OSGEP: variants seen among roughly 807,000 people sequenced by gnomAD.
The protein encoded by OSGEP is O-sialoglycoprotein endopeptidase, also known as tRNA N6-adenosine threonylcarbamoyltransferase.
In OSGEP, 39 loss-of-function variants were observed where a neutral mutation model predicts 44.1. The ratio of observed to expected loss-of-function variants is 0.88; its 90% CI spans 0.69 to 1.16. OSGEP has a LOEUF of 1.16. Among genes scored for constraint, OSGEP ranks in the 50% most tolerant of loss-of-function variants. The pLI is 0.00. For missense variants in OSGEP, 403 were observed against 443.1 expected, an observed-to-expected ratio of 0.91 and a Z score of 0.81; for synonymous variants, 139 against 161.9, an observed-to-expected ratio of 0.86 and a Z score of 1.07.
chr14:20,448,210 T>TG, intron 6 of OSGEP, 39 bp from the exon 7 acceptor site: 1 of 1,569,222 alleles, frequency 6.4e-7, no homozygotes, highest in East Asian at 2.2e-5. Context: ...CAACAAATCA[T>TG]GGTTTTGGGA....
At chr14:20,452,504 AG>A (rs1881129329) in intron 1 of OSGEP, 56 bp from the exon 2 acceptor site, 1 of 1,581,884 alleles carries the variant, frequency 6.3e-7, no homozygotes, top group African/African-American at 1.3e-5. Flanking sequence ...AAAGGTAGGT[AG>A]GAAGTTAAAG....
chr14:20,452,468 C>A lies in OSGEP; in HGVS notation c.116-20G>T. 6.2e-7 allele frequency: 1 copy of A among 1,612,182 alleles called. No homozygotes were observed. Among genetic ancestry groups the A allele is most frequent in the South Asian group, 1.1e-5 (1 of 90,948 alleles). On this transcript the variant is annotated intron_variant, in intron 1 of 10. Coordinates refer to ENST00000206542, the MANE Select transcript of OSGEP (RefSeq NM_017807.4). ...GGAATCCTAGAAAATGAACATAGGT[C>A]AGAGATCACAGGGATTTTCTGTAGC...
Position 20,448,775 on chromosome 14 carries a change from C to G in OSGEP, c.594G>C (p.Lys198Asn). The change falls in exon 6 of 11, where the codon AAG (lysine) becomes AAC (asparagine). Residue 198 changes from lysine to asparagine, a missense_variant. Transcript: ENST00000206542. ...KKLVELPYTV[K>N]GMDVSFSGIL... The stretch of plus-strand genomic sequence containing the variant: ...TCCCTGAGAATGAGACGTCCATCCC[C>G]TTTACAGTGTATGGCAGCTCAACTA... The G allele has an allele frequency of 6.2e-7, 1 of 1,613,534 alleles. No individual in the cohort carries two copies. The highest frequency in any genetic ancestry group is 8.5e-7 in the Non-Finnish European group (1 of 1,179,432).
intron 8 of OSGEP, 101 bp downstream of exon 8, chr14:20,447,803 G>T: frequency 8.2e-7 from 1 of 1,223,056 alleles, no homozygotes; most frequent in Non-Finnish European, 1.2e-6. Flanking sequence ...TAGGGGCAAG[G>T]ATTGGGAAGC....
In OSGEP at chr14:20,454,768, G is replaced by T; in HGVS notation, c.-85C>A. The T allele has an allele frequency of 1.0e-6, 1 of 961,380 alleles. No individual in the cohort carries two copies. 59.6% of individuals were successfully genotyped at this position (961,380 alleles called of 1,614,324 possible). On this transcript the variant is annotated 5_prime_UTR_variant, in exon 1 of 11. It adds an upstream start codon to the 5' untranslated region. Coordinates refer to ENST00000206542, the MANE Select transcript of OSGEP (RefSeq NM_017807.4). ...CCTCACTAGTCCGCGCTGGGCCGCA[G>T]CTTTCCGGAGCGCAGAGGAAGCTGG...
Position 20,446,943 on chromosome 14 carries a change from T to TA in OSGEP, c.*296dup, listed in dbSNP as rs5807036. ...GGAAACACAGCAAGATTCCGTTTCTTAAAAAAAAAAAAAAAGATACCTCAT... is the reference window on the plus strand; with the variant it reads ...GGAAACACAGCAAGATTCCGTTTCTTAAAAAAAAAAAAAAAAGATACCTCAT... On this transcript the variant is annotated 3_prime_UTR_variant, in exon 11 of 11. Coordinates refer to ENST00000206542, the MANE Select transcript of OSGEP (RefSeq NM_017807.4). 15,326 of 293,526 alleles carry TA rather than the reference T, an allele frequency of 0.052. 213 individuals are homozygous for TA. The highest frequency in any genetic ancestry group is 0.1 in the Middle Eastern group (100 of 964). The allele number at this position is 293,526 out of a possible 1,614,324, so 18.2% of individuals were successfully genotyped here.
chr14:20,447,284 G>A lies in OSGEP; in HGVS notation c.969-5C>T. On this transcript the variant is annotated splice_polypyrimidine_tract_variant and splice_region_variant and intron_variant, in intron 10 of 10. Transcript: ENST00000206542. ...TCTACTTCATCTGTCCGATACCTGTGGAAAAACAGAAGAAACATGGTGGAG... is the reference window on the plus strand; with the variant it reads ...TCTACTTCATCTGTCCGATACCTGTAGAAAAACAGAAGAAACATGGTGGAG... The A allele has an allele frequency of 6.2e-7, 1 of 1,614,090 alleles. No homozygotes were observed. Among genetic ancestry groups the A allele is most frequent in the Non-Finnish European group, 8.5e-7 (1 of 1,179,956 alleles).
chr14:20,448,584 C>A, intron 6 of OSGEP, 149 bp downstream of exon 6: 1 of 632,168 alleles, frequency 1.6e-6, no homozygotes. Context: ...TCAATGAATA[C>A]CTTCTAAATG....
At position 20,452,092 on chromosome 14, in the gene OSGEP, TGGGCCACAGTAC is replaced by T. The variant is rs753195915; in HGVS notation, c.281_292del (p.Arg94_Ala97del). The T allele has an allele frequency of 6.2e-7, 1 of 1,613,786 alleles. No individual in the cohort carries two copies. Reference sequence around the variant, plus strand: ...ACCCACCAATGGCTTATTCCACAGTTGGGCCACAGTACGGGCCACAACAGCCACAGAAACCAG... The same window carrying T: ...ACCCACCAATGGCTTATTCCACAGTTGGGCCACAACAGCCACAGAAACCAG... On this transcript the variant is annotated inframe_deletion, in exon 3 of 11. Coordinates refer to ENST00000206542, the MANE Select transcript of OSGEP (RefSeq NM_017807.4).
At chr14:20,452,494 A>C in intron 1 of OSGEP, 46 bp from the exon 2 acceptor site, 2 of 1,603,392 alleles carry the variant, frequency 1.2e-6, no homozygotes, top group African/African-American at 1.3e-5. Context: ...TTTCTGTAGC[A>C]AAGGTAGGTA....
intron 6 of OSGEP, among the ~76,000 whole-genome samples, chr14:20,448,430 T>C (rs144363937): frequency 1.1e-4 from 16 of 152,326 alleles, no homozygotes; most frequent in African/African-American, 3.8e-4. Flanking sequence ...CCTGTACTCA[T>C]CATCATCTGG....
At position 20,454,622 on chromosome 14, in the gene OSGEP, T is replaced by A; in HGVS notation, c.62A>T (p.Asp21Val). 1.9e-6 allele frequency: 3 copies of A among 1,614,176 alleles called. No individual in the cohort carries two copies. Among genetic ancestry groups the A allele is most frequent in the Non-Finnish European group, 2.5e-6 (3 of 1,180,020 alleles). The change falls in exon 1 of 11, where the codon GAT (aspartate) becomes GTT (valine). Residue 21 changes from aspartate to valine, a missense_variant. Coordinates refer to ENST00000206542, the MANE Select transcript of OSGEP (RefSeq NM_017807.4). Reference sequence around the variant, plus strand: ...CCGCGGGTTCGCCAGCACCTTGCCATCCCGCACCACGCCCACGCCAATCTT... The same window carrying A: ...CCGCGGGTTCGCCAGCACCTTGCCAACCCGCACCACGCCCACGCCAATCTT... ...ANKIGVGVVR[D>V]GKVLANPRRT...
rs754126995 is a variant in OSGEP at position 20,452,420 on chromosome 14, ATGCCTGGC to A, written c.136_143del (p.Ala46SerfsTer54). ...GCAGGTCTAGGATAACAGCTCGGTG[ATGCCTGGC>A]TGTATCACCTGGAAGGAATCCTAGA... On this transcript the variant is annotated frameshift_variant, in exon 2 of 11. Transcript: ENST00000206542. LOFTEE classifies it high-confidence loss of function. The A allele has an allele frequency of 1.2e-6, 2 of 1,613,478 alleles. No homozygotes were observed. Among genetic ancestry groups the A allele is most frequent in the Non-Finnish European group, 1.7e-6 (2 of 1,179,566 alleles).
In OSGEP at chr14:20,454,784, A is replaced by T; in HGVS notation, c.-101T>A. On this transcript the variant is annotated 5_prime_UTR_variant, in exon 1 of 11. Transcript: ENST00000206542. ...TGGGCCGCAGCTTTCCGGAGCGCAGAGGAAGCTGGCCAGCCTGCAGATAGC... is the reference window on the plus strand; with the variant it reads ...TGGGCCGCAGCTTTCCGGAGCGCAGTGGAAGCTGGCCAGCCTGCAGATAGC... 1.2e-6 allele frequency: 1 copy of T among 853,970 alleles called. No individual in the cohort carries two copies. Among genetic ancestry groups the T allele is most frequent in the South Asian group, 1.5e-5 (1 of 64,738 alleles). The allele number at this position is 853,970 out of a possible 1,614,324, so 52.9% of individuals were successfully genotyped here. A position where few individuals can be genotyped will look rare whatever the true frequency, so the allele number is the denominator to read the frequency against.
chr14:20,449,055 A>G (rs781611391), intron 4 of OSGEP, 42 bp from the exon 5 acceptor site: 2 of 1,557,880 alleles, frequency 1.3e-6, no homozygotes, highest in African/African-American at 2.7e-5. Context: ...ATGGAAGAGG[A>G]TGAAATCAGA....
intron 6 of OSGEP, 71 bp downstream of exon 6, chr14:20,448,662 A>G (rs961000755): frequency 3.7e-6 from 4 of 1,071,534 alleles, no homozygotes; most frequent in East Asian, 4.7e-5. Flanking sequence ...ACGAAATATA[A>G]TCGTAAGTAA....
rs1163470253 is a variant in OSGEP at position 20,452,360 on chromosome 14, G to A, written c.204C>T (p.Ser68=). ...TGTATGCAATGCAGTCGATATCCTG[G>A]GAGGTTAATCCAGACTCTGTTAGTG... ...QEALTESGLT[S]QDIDCIAYTK... Residue 68 remains serine, a synonymous_variant, in exon 2 of 11, where the codon TCC becomes TCT. Transcript: ENST00000206542. The A allele has an allele frequency of 6.2e-7, 1 of 1,613,970 alleles. No homozygotes were observed. The highest frequency in any genetic ancestry group is 8.5e-7 in the Non-Finnish European group (1 of 1,179,958).
Position 20,449,017 on chromosome 14 carries a change from G to A in OSGEP, c.508-4C>T, listed in dbSNP as rs1881029515. The stretch of plus-strand genomic sequence containing the variant: ...CTGGACTTGGGTCGTTAGAAATCTA[G>A]CAGAAGAAAAAAATAAGGAAGGAGG... On this transcript the variant is annotated splice_region_variant and splice_polypyrimidine_tract_variant and intron_variant, in intron 4 of 10. Transcript: ENST00000206542. 1.9e-6 allele frequency: 3 copies of A among 1,612,608 alleles called. No homozygotes were observed. In the Admixed American group the frequency reaches 5.0e-5, roughly 27 times the overall value.
intron 1 of OSGEP, among the ~76,000 whole-genome samples, chr14:20,453,038 A>G (rs1472102649): frequency 1.3e-5 from 2 of 152,078 alleles, no homozygotes; most frequent in Non-Finnish European, 2.9e-5. Context: ...GTGACCCTAC[A>G]GAACTCTATG....
Sources: gnomAD v4.1 joint callset for allele counts (sites outside exome capture counted in the v4.1 genomes callset) on GRCh38, gnomAD v4.1.1 for gene constraint, MANE v1.5 for transcripts, NCBI Gene and HGNC (gene_info 2026-07-23, HGNC 2026-07-21) for gene names.